Variants in DPP10 observed in about 807,000 individuals in gnomAD.
DPP10 encodes dipeptidyl peptidase like 10.
DPP10 carries 33 observed loss-of-function variants against 120.9 expected under a neutral mutation model. The observed-to-expected ratio is 0.27, with a 90% confidence interval of 0.21 to 0.37. The LOEUF is 0.37. DPP10 is among the 10% of genes least tolerant of loss of function. The pLI is 1.00. For synonymous variants in DPP10, 337 were observed against 326.1 expected, an observed-to-expected ratio of 1.03 and a Z score of -0.36; for missense variants, 816 against 942.8, an observed-to-expected ratio of 0.87 and a Z score of 1.76.
chr2:114,459,343 C>T (rs183368797), intron 1 of DPP10, among the ~76,000 whole-genome samples: 196 of 152,206 alleles, frequency 1.3e-3, no homozygotes, highest in Middle Eastern at 6.8e-3. Context: ...ATTGGTACTA[C>T]CTTCATCACT....
intron 1 of DPP10, among the ~76,000 whole-genome samples, chr2:114,897,574 G>T (rs1693135629): frequency 6.6e-6 from 1 of 151,746 alleles, no homozygotes; most frequent in Non-Finnish European, 1.5e-5. Flanking sequence ...TACAAAATGG[G>T]AGAAAATTTT....
At chr2:115,769,540 A>G (rs544168644) in intron 13 of DPP10, among the ~76,000 whole-genome samples, 15 of 152,170 alleles carry the variant, frequency 9.9e-5, no homozygotes, top group African/African-American at 3.1e-4. Flanking sequence ...GAATACATAC[A>G]ATTTCCACAG....
At chr2:114,747,217 C>A (rs112653925) in intron 1 of DPP10, among the ~76,000 whole-genome samples, 1 of 152,130 alleles carries the variant, frequency 6.6e-6, no homozygotes, top group Non-Finnish European at 1.5e-5. Context: ...AGTATTATTC[C>A]TTTAGGATGC....
At chr2:114,646,159 C>CAAATAAATAAATAAAT (rs3029136) in intron 1 of DPP10, among the ~76,000 whole-genome samples, 48 of 140,816 alleles carry the variant, frequency 3.4e-4, no homozygotes, top group African/African-American at 7.1e-4. Context: ...GCCTCAGTCT[C>CAAATAAATAAATAAAT]AAATAAATAA....
At chr2:115,805,574 C>CTTTTT (rs1559178533) in intron 19 of DPP10, among the ~76,000 whole-genome samples, 2 of 145,994 alleles carry the variant, frequency 1.4e-5, no homozygotes, top group African/African-American at 2.6e-5. Context: ...TCTTGGCTCC[C>CTTTTT]ATTTTTTTTT....
intron 1 of DPP10, among the ~76,000 whole-genome samples, chr2:114,526,181 G>A (rs111981664): frequency 0.067 from 10,242 of 152,194 alleles, 468 homozygotes; most frequent in Middle Eastern, 0.11. Context: ...CCAGCCAAGG[G>A]GACAGCTGAC....
intron 1 of DPP10, among the ~76,000 whole-genome samples, chr2:114,489,706 A>T (rs1681818804): frequency 6.6e-6 from 1 of 152,168 alleles, no homozygotes; most frequent in Admixed American, 6.5e-5. Flanking sequence ...TGAAGTTGGT[A>T]GGACTAGCTC....
intron 1 of DPP10, among the ~76,000 whole-genome samples, chr2:114,911,846 G>T (rs1340449817): frequency 6.6e-6 from 1 of 152,146 alleles, no homozygotes; most frequent in Non-Finnish European, 1.5e-5. Context: ...TACACTTGCT[G>T]CTCTGTAGAG....
At chr2:114,720,775 A>G (rs763891840) in intron 1 of DPP10, among the ~76,000 whole-genome samples, 37 of 152,170 alleles carry the variant, frequency 2.4e-4, no homozygotes, top group Admixed American at 1.3e-4. Context: ...TAAGGACCCT[A>G]TTACACTTCT....
At chr2:114,589,545 C>T (rs770646129) in intron 1 of DPP10, among the ~76,000 whole-genome samples, 10 of 152,134 alleles carry the variant, frequency 6.6e-5, no homozygotes, top group East Asian at 1.9e-4. Flanking sequence ...TTAGTGGATA[C>T]GAGGAGTGAG....
intron 5 of DPP10, among the ~76,000 whole-genome samples, chr2:115,682,320 G>C (rs921190942): frequency 6.6e-6 from 1 of 151,866 alleles, no homozygotes; most frequent in Non-Finnish European, 1.5e-5. Flanking sequence ...GGAGAGGTCT[G>C]GTCCATGAAA....
intron 3 of DPP10, among the ~76,000 whole-genome samples, chr2:115,482,557 C>T (rs2075506064): frequency 6.6e-6 from 1 of 151,986 alleles, no homozygotes; most frequent in African/African-American, 2.4e-5. Context: ...CAGTCTCTAG[C>T]AATCACTAAT....
chr2:115,054,944 A>G (rs1705787931), intron 1 of DPP10, among the ~76,000 whole-genome samples: 1 of 152,110 alleles, frequency 6.6e-6, no homozygotes, highest in Admixed American at 6.5e-5. Context: ...CATACCTGCT[A>G]TGTACAATTT....
intron 3 of DPP10, among the ~76,000 whole-genome samples, chr2:115,376,448 T>G (rs2065800794): frequency 6.6e-6 from 1 of 152,164 alleles, no homozygotes; most frequent in African/African-American, 2.4e-5. Context: ...TTTTTTTCCC[T>G]TTCCTTTTGT....
intron 1 of DPP10, among the ~76,000 whole-genome samples, chr2:114,763,645 A>C (rs1282104648): frequency 6.6e-6 from 1 of 152,192 alleles, no homozygotes; most frequent in Non-Finnish European, 1.5e-5. Flanking sequence ...AGAATCTGGT[A>C]GTGTTAATAA....
At chr2:115,197,969 A>G (rs1203436690) in intron 1 of DPP10, among the ~76,000 whole-genome samples, 1 of 152,170 alleles carries the variant, frequency 6.6e-6, no homozygotes, top group Non-Finnish European at 1.5e-5. Context: ...CTATTATATC[A>G]CTGTGATTTG....
At chr2:115,491,330 A>G (rs2076108322) in intron 3 of DPP10, among the ~76,000 whole-genome samples, 2 of 152,164 alleles carry the variant, frequency 1.3e-5, no homozygotes, top group African/African-American at 2.4e-5. Flanking sequence ...CTAAACTGGT[A>G]TAAGAGTTAT....
At chr2:115,729,058 T>C (rs2092835123) in intron 8 of DPP10, among the ~76,000 whole-genome samples, 1 of 152,192 alleles carries the variant, frequency 6.6e-6, no homozygotes. Flanking sequence ...CAGTGAGAGC[T>C]TCCCCGAAAA....
chr2:114,530,033 T>A (rs951955994), intron 1 of DPP10, among the ~76,000 whole-genome samples: 1 of 152,182 alleles, frequency 6.6e-6, no homozygotes, highest in African/African-American at 2.4e-5. Context: ...CCTTTTTTTA[T>A]GGCTGCACAG....
Sources: allele counts gnomAD v4.1 joint callset (sites outside exome capture counted in the v4.1 genomes callset), GRCh38; gene constraint gnomAD v4.1.1; transcripts MANE v1.5; gene names NCBI Gene and HGNC (gene_info 2026-07-23, HGNC 2026-07-21).